The following FRMD4A variants were observed in gnomAD, a reference collection of about 807,000 sequenced individuals.
FRMD4A encodes the protein FERM domain containing 4A.
In FRMD4A, 29 loss-of-function variants were observed where a neutral mutation model predicts 129.1. The observed-to-expected ratio is 0.22, with a 90% CI of 0.17 to 0.31. FRMD4A has a LOEUF of 0.31. Among genes scored for constraint, FRMD4A ranks in the 10% least tolerant of loss-of-function variants. The pLI is 1.00. For missense variants in FRMD4A, 1,272 were observed against 1,375.8 expected, an observed-to-expected ratio of 0.92 and a Z score of 1.19; for synonymous variants, 634 against 571.6, an observed-to-expected ratio of 1.11 and a Z score of -1.56.
At chr10:14,212,240 G>A (rs1842952433) in intron 2 of FRMD4A, among the ~76,000 whole-genome samples, 2 of 152,154 alleles carry the variant, frequency 1.3e-5, no homozygotes, top group African/African-American at 2.4e-5. Flanking sequence ...GGAGCAGCAT[G>A]GGAGGAGATG....
intron 2 of FRMD4A, among the ~76,000 whole-genome samples, chr10:13,907,365 A>G (rs2094892586): frequency 6.6e-6 from 1 of 152,344 alleles, no homozygotes; most frequent in South Asian, 2.1e-4. Context: ...ACTGCACAGC[A>G]GGTCTTGTTA....
chr10:13,885,970 C>T lies in FRMD4A; in HGVS notation c.46-27058G>A, dbSNP rs547647168. Among the ~76,000 whole-genome samples the T allele has an allele frequency of 4.5e-4, 68 of 152,232 alleles. 1 individual carries two copies. The South Asian group carries it at 9.1e-3, about 20-fold the overall frequency. On this transcript the variant is annotated intron_variant, in intron 2 of 24. Coordinates refer to ENST00000357447, the MANE Select transcript of FRMD4A (RefSeq NM_018027.5). ...AATATCAGATACTTAGCAGGGCTGGCCAGTGGGAGTCGGGAGATGGGCAAG... is the reference window on the plus strand; with the variant it reads ...AATATCAGATACTTAGCAGGGCTGGTCAGTGGGAGTCGGGAGATGGGCAAG...
intron 22 of FRMD4A, 60 bp downstream of exon 22, chr10:13,656,576 G>A: frequency 7.5e-7 from 1 of 1,330,062 alleles, no homozygotes; most frequent in East Asian, 2.9e-5. Context: ...GGTAGCCCTT[G>A]ACACCGGCAA....
rs1017552973 is a variant in FRMD4A at position 14,297,778 on chromosome 10, G to A, written c.45+32280C>T. 5.3e-5 allele frequency among the ~76,000 whole-genome samples: 8 copies of A among 152,140 alleles called. No homozygotes were observed. In the South Asian group the frequency reaches 1.2e-3, roughly 24 times the overall value. ...TTGATGATTGAGGGCCCAGGTAAGC[G>A]GCTCTGGGATGAGCCCCTGGGAGTC... On this transcript the variant is annotated intron_variant, in intron 2 of 24. Coordinates refer to ENST00000357447, the MANE Select transcript of FRMD4A (RefSeq NM_018027.5).
intron 2 of FRMD4A, among the ~76,000 whole-genome samples, chr10:14,137,925 T>C (rs1034434959): frequency 1.4e-4 from 22 of 152,190 alleles, no homozygotes; most frequent in African/African-American, 5.1e-4. Flanking sequence ...ATTTTGGAGA[T>C]GAGCAACCCA....
intron 2 of FRMD4A, among the ~76,000 whole-genome samples, chr10:14,169,072 A>C (rs1380167194): frequency 6.6e-6 from 1 of 151,548 alleles, no homozygotes; most frequent in Admixed American, 6.6e-5. Flanking sequence ...TGATGTGTAC[A>C]TCATACTCAA....
At chr10:14,199,814 A>G (rs1842581781) in intron 2 of FRMD4A, among the ~76,000 whole-genome samples, 1 of 139,084 alleles carries the variant, frequency 7.2e-6, no homozygotes, top group African/African-American at 2.5e-5. Flanking sequence ...TAATTTTGAC[A>G]TAATATGTAC....
chr10:13,925,321 A>G (rs772575147), intron 2 of FRMD4A, among the ~76,000 whole-genome samples: 3 of 152,088 alleles, frequency 2.0e-5, no homozygotes, highest in Non-Finnish European at 2.9e-5. Flanking sequence ...AATTCCCTCT[A>G]ATCACCACTT....
At chr10:13,824,434 G>A (rs558384988) in intron 3 of FRMD4A, among the ~76,000 whole-genome samples, 4 of 151,560 alleles carry the variant, frequency 2.6e-5, no homozygotes, top group Non-Finnish European at 4.4e-5. Context: ...AGGTTGCAGT[G>A]AGCTGAGATT....
intron 2 of FRMD4A, among the ~76,000 whole-genome samples, chr10:13,903,097 G>T (rs897245822): frequency 6.6e-6 from 1 of 152,036 alleles, no homozygotes; most frequent in African/African-American, 2.4e-5. Context: ...ACTTCCATCT[G>T]CTTGGAAGGC....
chr10:13,693,582 T>G, intron 15 of FRMD4A: 8 of 1,063,628 alleles, frequency 7.5e-6, no homozygotes, highest in Non-Finnish European at 9.9e-6. Context: ...GGACCTGACA[T>G]TCCCGACAGC....
chr10:13,652,914 T>TCACACTTAA (rs2081780169), intron 23 of FRMD4A: 2 of 152,090 alleles, frequency 1.3e-5, no homozygotes, highest in Admixed American at 1.3e-4. Context: ...GGCTTTGGGA[T>TCACACTTAA]CACACTTAAC....
At chr10:14,267,725 T>C (rs1054546177) in intron 2 of FRMD4A, among the ~76,000 whole-genome samples, 1 of 152,206 alleles carries the variant, frequency 6.6e-6, no homozygotes, top group African/African-American at 2.4e-5. Flanking sequence ...GATGAGCACA[T>C]TTCTCTGAAT....
intron 11 of FRMD4A, among the ~76,000 whole-genome samples, chr10:13,739,326 AC>A (rs1588501636): frequency 6.6e-6 from 1 of 152,230 alleles, no homozygotes; most frequent in African/African-American, 2.4e-5. Context: ...AGAGAACAGA[AC>A]AAGAGGAAAC....
At chr10:14,297,004 G>T (rs917445196) in intron 2 of FRMD4A, among the ~76,000 whole-genome samples, 8 of 152,170 alleles carry the variant, frequency 5.3e-5, no homozygotes, top group African/African-American at 1.9e-4. Flanking sequence ...TCGTAGTGCT[G>T]CCCATGTCAG....
Position 13,657,260 on chromosome 10 carries a change from A to T in FRMD4A, c.2329T>A (p.Ser777Thr). The change falls in exon 22 of 25, where the codon TCC becomes ACC. Residue 777 changes from serine (S) to threonine (T), a missense_variant. Transcript: ENST00000357447. The part of the protein sequence containing the change: ...NYSTLAEDSP[S>T]KARQRQRQRQ... ...TGCCTCTGCCTCTGGCGCGCCTTGG[A>T]CGGCGAGTCCTCGGCCAGCGTGGAG... 1 of 1,598,364 alleles carries T rather than the reference A, an allele frequency of 6.3e-7. No individual in the cohort carries two copies. Among genetic ancestry groups the T allele is most frequent in the Non-Finnish European group, 8.5e-7 (1 of 1,175,904 alleles).
At chr10:14,235,038 G>T (rs1156943890) in intron 2 of FRMD4A, among the ~76,000 whole-genome samples, 1 of 152,104 alleles carries the variant, frequency 6.6e-6, no homozygotes, top group Non-Finnish European at 1.5e-5. Context: ...GAGGTGGAAG[G>T]GGTAGTTCCC....
chr10:14,186,093 A>C (rs1472703284), intron 2 of FRMD4A, among the ~76,000 whole-genome samples: 2 of 152,088 alleles, frequency 1.3e-5, no homozygotes, highest in African/African-American at 4.8e-5. Context: ...AGAGACAAAG[A>C]CACCAATGAC....
At chr10:13,915,686 AGTGGGCAGATTTT>A (rs1434485081) in intron 2 of FRMD4A, among the ~76,000 whole-genome samples, 8 of 148,756 alleles carry the variant, frequency 5.4e-5, no homozygotes, top group African/African-American at 2.0e-4. Flanking sequence ...AAAAAAAAAA[AGTGGGCAGATTTT>A]GTGGTGACTG....
Sources: allele counts gnomAD v4.1 joint callset (sites outside exome capture counted in the v4.1 genomes callset), GRCh38; gene constraint gnomAD v4.1.1; transcripts MANE v1.5; gene names NCBI Gene and HGNC (gene_info 2026-07-23, HGNC 2026-07-21).